The following HCN1 variants were observed in gnomAD, a reference collection of about 807,000 sequenced individuals.
HCN1 encodes the protein hyperpolarization activated cyclic nucleotide gated potassium channel 1.
HCN1 carries 13 observed loss-of-function variants against 78.9 expected under a neutral mutation model. The ratio of observed to expected loss-of-function variants is 0.16; its 90% confidence interval spans 0.11 to 0.26. The LOEUF is 0.26. Among genes scored for constraint, HCN1 ranks in the 10% least tolerant of loss-of-function variants. The pLI is 1.00. For missense variants in HCN1, 810 were observed against 1,154.3 expected (o/e 0.70, Z 4.32); for synonymous variants, 552 against 455.5 (o/e 1.21, Z -2.70).
At chr5:45,309,606 T>G (rs1016273744) in intron 5 of HCN1, among the ~76,000 whole-genome samples, 5 of 152,196 alleles carry the variant, frequency 3.3e-5, no homozygotes, top group African/African-American at 7.2e-5. Flanking sequence ...AAGCCTTTCC[T>G]GCATCTATTG....
At position 45,645,470 on chromosome 5, in the gene HCN1, C is replaced by T; in HGVS notation, c.564G>A (p.Leu188=). 6.2e-7 allele frequency: 1 copy of T among 1,613,544 alleles called. No individual in the cohort carries two copies. The highest frequency in any genetic ancestry group is 8.5e-7 in the Non-Finnish European group (1 of 1,179,726). The change falls in exon 2 of 8, where the codon TTG becomes TTA. Residue 188 remains leucine, a synonymous_variant. Coordinates refer to ENST00000303230, the MANE Select transcript of HCN1 (RefSeq NM_021072.4). ...CAGTCCTAAAATTCATGATCAGGTCCAATAGGAAAACTGTATCTGATGCCA... is the reference window on the plus strand; with the variant it reads ...CAGTCCTAAAATTCATGATCAGGTCTAATAGGAAAACTGTATCTGATGCCA... The part of the protein sequence containing the change: ...FNVASDTVFL[L]DLIMNFRTGT...
intron 2 of HCN1, among the ~76,000 whole-genome samples, chr5:45,497,801 C>A (rs930574559): frequency 3.3e-5 from 5 of 152,184 alleles, no homozygotes; most frequent in Admixed American, 2.6e-4. Flanking sequence ...AATCTCTCAG[C>A]ATTTGCTTGT....
intron 3 of HCN1, among the ~76,000 whole-genome samples, chr5:45,408,243 A>C (rs1174359103): frequency 6.6e-6 from 1 of 152,222 alleles, no homozygotes; most frequent in Non-Finnish European, 1.5e-5. Context: ...AGTAGTGTAC[A>C]GTAATGTCCT....
intron 3 of HCN1, among the ~76,000 whole-genome samples, chr5:45,418,319 C>T (rs10472404): frequency 0.25 from 37,977 of 150,480 alleles, 5,010 homozygotes; most frequent in East Asian, 0.32. Flanking sequence ...GGATAAGATA[C>T]GTTTTTCTAC....
intron 5 of HCN1, among the ~76,000 whole-genome samples, chr5:45,326,207 A>G (rs547479569): frequency 1.3e-5 from 2 of 151,794 alleles, no homozygotes; most frequent in East Asian, 3.9e-4. Flanking sequence ...CCATAAATAC[A>G]TACACCTACT....
intron 2 of HCN1, among the ~76,000 whole-genome samples, chr5:45,522,257 T>C (rs1352452108): frequency 6.6e-6 from 1 of 152,180 alleles, no homozygotes; most frequent in Non-Finnish European, 1.5e-5. Context: ...TTTTAAGCTA[T>C]ACACTTAAAC....
intron 2 of HCN1, among the ~76,000 whole-genome samples, chr5:45,496,069 G>C (rs569171263): frequency 6.6e-6 from 1 of 152,010 alleles, no homozygotes; most frequent in Non-Finnish European, 1.5e-5. Context: ...TCTCTTTTTT[G>C]GTTGTGTCTC....
At position 45,333,281 on chromosome 5, in the gene HCN1, G is replaced by T. The variant is rs1156338951; in HGVS notation, c.1377+19819C>A. Among the ~76,000 whole-genome samples the T allele has an allele frequency of 2.0e-5, 3 of 151,666 alleles. No individual in the cohort carries two copies. In the East Asian group the frequency reaches 5.8e-4, roughly 29 times the overall value. ...TCATATGCCCGTTTGCCATTTGTATGTCTTCTTCTGAGAAATGTCTATTCA... is the reference window on the plus strand; with the variant it reads ...TCATATGCCCGTTTGCCATTTGTATTTCTTCTTCTGAGAAATGTCTATTCA... On this transcript the variant is annotated intron_variant, in intron 5 of 7. Transcript: ENST00000303230.
chr5:45,355,985 C>A (rs917894667), intron 4 of HCN1, among the ~76,000 whole-genome samples: 1 of 151,812 alleles, frequency 6.6e-6, no homozygotes, highest in African/African-American at 2.4e-5. Flanking sequence ...TCTGTTTCTC[C>A]CACACCTAAC....
chr5:45,296,344 A>G (rs1434584342), intron 6 of HCN1, among the ~76,000 whole-genome samples: 1 of 151,944 alleles, frequency 6.6e-6, no homozygotes, highest in Non-Finnish European at 1.5e-5. Context: ...CAGATAGAAA[A>G]TCCCTATATA....
intron 2 of HCN1, among the ~76,000 whole-genome samples, chr5:45,613,089 G>A (rs1744873040): frequency 6.6e-6 from 1 of 151,418 alleles, no homozygotes; most frequent in Non-Finnish European, 1.5e-5. Flanking sequence ...GTGCCATGCT[G>A]GTGCACTGCA....
chr5:45,396,931 C>A (rs1335141656), intron 3 of HCN1, among the ~76,000 whole-genome samples: 5 of 152,116 alleles, frequency 3.3e-5, no homozygotes, highest in African/African-American at 9.7e-5. Flanking sequence ...TACTTACATG[C>A]GCTTTGTCAG....
At chr5:45,354,644 T>G (rs1746974482) in intron 4 of HCN1, among the ~76,000 whole-genome samples, 4 of 152,062 alleles carry the variant, frequency 2.6e-5, no homozygotes, top group Admixed American at 2.6e-4. Context: ...AATTATATTG[T>G]TTGAACATTC....
intron 2 of HCN1, among the ~76,000 whole-genome samples, chr5:45,600,681 A>G (rs1744603815): frequency 1.3e-5 from 2 of 152,126 alleles, no homozygotes; most frequent in African/African-American, 2.4e-5. Context: ...GAAATGGCCA[A>G]TTCATAGAGA....
At chr5:45,687,046 T>G (rs1046961002) in intron 1 of HCN1, among the ~76,000 whole-genome samples, 1 of 152,240 alleles carries the variant, frequency 6.6e-6, no homozygotes, top group Admixed American at 6.5e-5. Context: ...TTTTGTATTA[T>G]GGCAAGGTAT....
chr5:45,292,256 T>C (rs1009417087), intron 6 of HCN1, among the ~76,000 whole-genome samples: 2 of 152,024 alleles, frequency 1.3e-5, no homozygotes, highest in African/African-American at 4.8e-5. Context: ...TTGTACAATA[T>C]GCTGGGCACT....
chr5:45,458,248 A>G (rs1741065601), intron 3 of HCN1, among the ~76,000 whole-genome samples: 1 of 151,968 alleles, frequency 6.6e-6, no homozygotes, highest in Admixed American at 6.6e-5. Context: ...GTTAAGAAGG[A>G]TATAAATATA....
chr5:45,366,793 A>C (rs776826655), intron 4 of HCN1, among the ~76,000 whole-genome samples: 1 of 151,796 alleles, frequency 6.6e-6, no homozygotes, highest in African/African-American at 2.4e-5. Flanking sequence ...AAAAGCGAAA[A>C]ATTCTAACAA....
At chr5:45,675,499 G>A (rs1054373330) in intron 1 of HCN1, among the ~76,000 whole-genome samples, 1 of 151,672 alleles carries the variant, frequency 6.6e-6, no homozygotes, top group African/African-American at 2.4e-5. Context: ...ATACACACAG[G>A]CATGCTGAAC....
Sources: allele counts gnomAD v4.1 joint callset (sites outside exome capture counted in the v4.1 genomes callset), GRCh38; gene constraint gnomAD v4.1.1; transcripts MANE v1.5; gene names NCBI Gene and HGNC (gene_info 2026-07-23, HGNC 2026-07-21).